LINGO1: variants seen among roughly 807,000 people sequenced by gnomAD.
The protein encoded by LINGO1 is leucine rich repeat and Ig domain containing 1, also known as leucine-rich repeat and immunoglobulin-like domain-containing nogo receptor-interacting protein 1.
LINGO1 carries 11 observed loss-of-function variants against 37.3 expected under a neutral mutation model. The ratio of observed to expected loss-of-function variants is 0.29; its 90% confidence interval spans 0.19 to 0.49. The LOEUF is 0.49. Among genes scored for constraint, LINGO1 ranks in the 20% least tolerant of loss-of-function variants. LINGO1 has a pLI of 0.99. For synonymous variants in LINGO1, 387 were observed against 403.0 expected, an observed-to-expected ratio of 0.96 and a Z score of 0.48; for missense variants, 585 against 878.2, an observed-to-expected ratio of 0.67 and a Z score of 4.22.
rs566818994 is a variant in LINGO1, at chr15:77,817,764, C to T, written c.-458+2494G>A. ...AAAGACCAGGGTCAGCGGATACCCT[C>T]GCAGTGGAAAAGGGCTGTCCTAAGA... On this transcript the variant is annotated intron_variant, in intron 1 of 5. Transcript: ENST00000562933. Among the ~76,000 whole-genome samples, 6 of 152,306 alleles carry T rather than the reference C, an allele frequency of 3.9e-5. No individual in the cohort carries two copies. In the South Asian group the frequency reaches 6.2e-4, roughly 16 times the overall value.
At chr15:77,684,821 C>G (rs1322384182) in intron 2 of LINGO1, among the ~76,000 whole-genome samples, 1 of 152,154 alleles carries the variant, frequency 6.6e-6, no homozygotes. Flanking sequence ...GCAACTGGCC[C>G]AGGAAGCTAG....
At chr15:77,771,393 G>A (rs867203920) in intron 1 of LINGO1, among the ~76,000 whole-genome samples, 2 of 151,848 alleles carry the variant, frequency 1.3e-5, no homozygotes, top group Non-Finnish European at 2.9e-5. Flanking sequence ...CTCTGACTCC[G>A]GCACATTGAT....
chr15:77,746,031 G>A (rs1421936251), intron 1 of LINGO1, among the ~76,000 whole-genome samples: 1 of 151,400 alleles, frequency 6.6e-6, no homozygotes. Flanking sequence ...GCAACAAAGT[G>A]AAACCCTGTC....
chr15:77,682,912 A>G (rs1417830719), intron 2 of LINGO1, among the ~76,000 whole-genome samples: 1 of 152,218 alleles, frequency 6.6e-6, no homozygotes, highest in African/African-American at 2.4e-5. Flanking sequence ...AAGCTTCTCT[A>G]TGACCAAAGA....
chr15:77,783,477 A>G (rs1289282527), intron 1 of LINGO1, among the ~76,000 whole-genome samples: 1 of 152,090 alleles, frequency 6.6e-6, no homozygotes, highest in Non-Finnish European at 1.5e-5. Context: ...CAGGAAAGGG[A>G]GCAGGTGGGG....
intron 2 of LINGO1, among the ~76,000 whole-genome samples, chr15:77,712,129 T>C (rs1431106056): frequency 6.6e-6 from 1 of 152,166 alleles, no homozygotes; most frequent in Admixed American, 6.5e-5. Context: ...TGCATCCTTC[T>C]AGGTGACTTC....
At chr15:77,668,179 G>A (rs1596078937) in intron 3 of LINGO1, 1 of 152,400 alleles carries the variant, frequency 6.6e-6, no homozygotes, top group African/African-American at 2.4e-5. Flanking sequence ...GGCTGGAGGA[G>A]ACACGTGGGG....
At chr15:77,703,249 A>C (rs2141278081) in intron 2 of LINGO1, among the ~76,000 whole-genome samples, 1 of 152,294 alleles carries the variant, frequency 6.6e-6, no homozygotes, top group Admixed American at 6.5e-5. Flanking sequence ...AAATTTTCCA[A>C]ATGACTCACA....
At chr15:77,819,834 C>T (rs1223616553) in intron 1 of LINGO1, among the ~76,000 whole-genome samples, 1 of 151,424 alleles carries the variant, frequency 6.6e-6, no homozygotes, top group Non-Finnish European at 1.5e-5. Context: ...ACTCGGGCTT[C>T]TCGCACTCCC....
intron 3 of LINGO1, among the ~76,000 whole-genome samples, chr15:77,647,551 C>T (rs1374332193): frequency 6.6e-6 from 1 of 152,132 alleles, no homozygotes; most frequent in East Asian, 1.9e-4. Context: ...AAAGTGGAGT[C>T]TGCACAATTA....
intron 1 of LINGO1, among the ~76,000 whole-genome samples, chr15:77,798,716 C>T: frequency 6.6e-6 from 1 of 152,242 alleles, no homozygotes; most frequent in Admixed American, 6.5e-5. Context: ...GGGCTGCAGC[C>T]AAGGTTGGGG....
chr15:77,796,632 C>G (rs2076875508), intron 1 of LINGO1, among the ~76,000 whole-genome samples: 1 of 152,196 alleles, frequency 6.6e-6, no homozygotes, highest in African/African-American at 2.4e-5. Context: ...ATGGGCAGCA[C>G]CGGGGTGCCT....
intron 3 of LINGO1, among the ~76,000 whole-genome samples, chr15:77,664,612 C>T (rs928064797): frequency 6.6e-6 from 1 of 152,186 alleles, no homozygotes; most frequent in Non-Finnish European, 1.5e-5. Context: ...AGGTGGCTTG[C>T]ACAAAAGAGA....
intron 1 of LINGO1, among the ~76,000 whole-genome samples, chr15:77,813,213 G>C (rs1269110440): frequency 6.6e-6 from 1 of 152,220 alleles, no homozygotes; most frequent in African/African-American, 2.4e-5. Context: ...GCTGCTTCCA[G>C]GAGGGGTGGC....
intron 3 of LINGO1, among the ~76,000 whole-genome samples, chr15:77,653,004 T>TCAGATTGGGAAGGGGGAAATG (rs990005819): frequency 6.6e-6 from 1 of 152,180 alleles, no homozygotes; most frequent in Non-Finnish European, 1.5e-5. Flanking sequence ...TTGAGCCACC[T>TCAGATTGGGAAGGGGGAAATG]CAGATTGGGA....
intron 3 of LINGO1, among the ~76,000 whole-genome samples, chr15:77,662,047 G>A (rs976863244): frequency 6.6e-6 from 1 of 152,224 alleles, no homozygotes; most frequent in Non-Finnish European, 1.5e-5. Context: ...TAGGTAGGTT[G>A]AGGCAAGAGC....
chr15:77,686,983 C>G (rs976257497), intron 2 of LINGO1, among the ~76,000 whole-genome samples: 9 of 152,194 alleles, frequency 5.9e-5, no homozygotes, highest in African/African-American at 2.2e-4. Flanking sequence ...GCAGACTTGG[C>G]AGTGGGAATG....
intron 2 of LINGO1, among the ~76,000 whole-genome samples, chr15:77,680,207 AGTTGTT>A (rs1237128353): frequency 1.3e-5 from 2 of 152,180 alleles, no homozygotes; most frequent in Non-Finnish European, 2.9e-5. Context: ...TAGGTCCCTG[AGTTGTT>A]GTGTGGACCA....
intron 1 of LINGO1, among the ~76,000 whole-genome samples, chr15:77,818,471 T>C (rs768793495): frequency 7.9e-5 from 12 of 152,134 alleles, no homozygotes; most frequent in Non-Finnish European, 1.6e-4. Flanking sequence ...CGCGGGGGCA[T>C]GGCTCCAAGC....
Sources: allele counts gnomAD v4.1 joint callset (sites outside exome capture counted in the v4.1 genomes callset), GRCh38; gene constraint gnomAD v4.1.1; transcripts MANE v1.5; gene names NCBI Gene and HGNC (gene_info 2026-07-23, HGNC 2026-07-21).